PACSIN2: variants seen among roughly 807,000 people sequenced by gnomAD.
The protein encoded by PACSIN2 is protein kinase C and casein kinase substrate in neurons 2.
A neutral mutation model predicts 63.8 loss-of-function variants in PACSIN2; 25 were observed. That is an observed-to-expected ratio of 0.39 (90% CI 0.29 to 0.55). The LOEUF (loss-of-function observed/expected upper bound fraction) is 0.55. PACSIN2 is among the 20% of genes least tolerant of loss of function. The pLI, the probability that PACSIN2 is intolerant of heterozygous loss-of-function variation, is 0.62. For missense variants in PACSIN2, 518 were observed against 646.9 expected (o/e 0.80, Z 2.16); for synonymous variants, 255 against 256.2 (o/e 1.00, Z 0.05).
At chr22:42,890,818 C>T (rs2146669555) in intron 4 of PACSIN2, 129 bp downstream of exon 4, 1 of 674,606 alleles carries the variant, frequency 1.5e-6, no homozygotes, top group Non-Finnish European at 2.6e-6. Context: ...GGAGTGGCTT[C>T]ATCTCTACCA....
intron 1 of PACSIN2, among the ~76,000 whole-genome samples, chr22:42,977,616 T>C (rs1481288353): frequency 6.6e-6 from 1 of 152,238 alleles, no homozygotes; most frequent in Non-Finnish European, 1.5e-5. Context: ...GGTTAGGCTC[T>C]GTGTCCTCAC....
At chr22:42,939,028 C>A (rs1933031937) in intron 1 of PACSIN2, among the ~76,000 whole-genome samples, 1 of 152,220 alleles carries the variant, frequency 6.6e-6, no homozygotes, top group Non-Finnish European at 1.5e-5. Flanking sequence ...CAGCTGACAA[C>A]CACCTGGGCT....
chr22:42,935,699 T>C (rs1932896510), intron 1 of PACSIN2, among the ~76,000 whole-genome samples: 1 of 151,770 alleles, frequency 6.6e-6, no homozygotes, highest in Non-Finnish European at 1.5e-5. Context: ...CAAGGGCAAC[T>C]TGAGAACAGG....
At chr22:43,008,969 G>GA (rs1032011535) in intron 1 of PACSIN2, among the ~76,000 whole-genome samples, 6 of 151,586 alleles carry the variant, frequency 4.0e-5, no homozygotes, top group African/African-American at 1.5e-4. Context: ...AATGTGGCAA[G>GA]AAAAAATAAC....
rs964228662 is a variant in PACSIN2, at chr22:42,907,487, G to A, written c.60+4534C>T. 2.6e-4 allele frequency among the ~76,000 whole-genome samples: 39 copies of A among 152,248 alleles called. 1 individual carries two copies. Among genetic ancestry groups the A allele is most frequent in the Admixed American group, 2.3e-3 (35 of 15,290 alleles). Reference sequence around the variant, plus strand: ...CCTTCTAGGAGCCATATGTGAGCACGGTGGGGTGATAATTAAGCTGATGCG... The same window carrying A: ...CCTTCTAGGAGCCATATGTGAGCACAGTGGGGTGATAATTAAGCTGATGCG... On this transcript the variant is annotated intron_variant, in intron 2 of 10. Transcript: ENST00000263246.
chr22:42,931,967 A>C (rs1223981284), intron 1 of PACSIN2, among the ~76,000 whole-genome samples: 1 of 152,144 alleles, frequency 6.6e-6, no homozygotes, highest in Non-Finnish European at 1.5e-5. Context: ...ACCTATCCTC[A>C]CTTCCAGTTT....
At chr22:42,969,904 T>TAA (rs796766361) in intron 1 of PACSIN2, among the ~76,000 whole-genome samples, 1 of 118,016 alleles carries the variant, frequency 8.5e-6, no homozygotes, top group South Asian at 2.8e-4. Context: ...TGCTGGCCCT[T>TAA]AAAAAAAAAA....
intron 1 of PACSIN2, among the ~76,000 whole-genome samples, 186 bp downstream of exon 1, chr22:43,014,835 C>T (rs1167538548): frequency 6.6e-6 from 1 of 151,044 alleles, no homozygotes; most frequent in Non-Finnish European, 1.5e-5. Context: ...CCCCCCGGGG[C>T]CCCGAGCACT....
intron 4 of PACSIN2, among the ~76,000 whole-genome samples, chr22:42,890,333 G>A (rs1341289194): frequency 6.6e-6 from 1 of 152,202 alleles, no homozygotes; most frequent in Admixed American, 6.5e-5. Flanking sequence ...CACTTCCCCA[G>A]GGTTGGGAGA....
intron 1 of PACSIN2, among the ~76,000 whole-genome samples, chr22:42,929,513 G>A (rs892965056): frequency 5.3e-5 from 8 of 152,288 alleles, no homozygotes; most frequent in East Asian, 3.9e-4. Context: ...GCGTGCCTAC[G>A]AATGGCTTGA....
At chr22:42,908,369 CTGAA>C (rs34799087) in intron 2 of PACSIN2, among the ~76,000 whole-genome samples, 64,989 of 151,794 alleles carry the variant, frequency 0.43, 14,466 homozygotes, top group Non-Finnish European at 0.49. Context: ...CCAGAGCCTA[CTGAA>C]TGAAGGTAAG....
intron 1 of PACSIN2, among the ~76,000 whole-genome samples, chr22:42,964,158 C>G (rs1407042597): frequency 6.6e-6 from 1 of 152,230 alleles, no homozygotes; most frequent in Non-Finnish European, 1.5e-5. Context: ...TGGCCCATGC[C>G]TGTAATCCCA....
rs1388077695 is a variant in PACSIN2, at chr22:42,943,287, T to C, written c.-77-31130A>G. Among the ~76,000 whole-genome samples, 3 of 152,248 alleles carry C rather than the reference T, an allele frequency of 2.0e-5. 1 individual carries two copies. Among genetic ancestry groups the C allele is most frequent in the African/African-American group, 7.2e-5 (3 of 41,470 alleles). ...TGTATATTAATTCTAAGAGTTTTTTTGGTGATTCCTTATGATTTTCTTTAT... is the reference window on the plus strand; with the variant it reads ...TGTATATTAATTCTAAGAGTTTTTTCGGTGATTCCTTATGATTTTCTTTAT... On this transcript the variant is annotated intron_variant, in intron 1 of 10. Transcript: ENST00000263246.
intron 1 of PACSIN2, among the ~76,000 whole-genome samples, chr22:42,957,619 T>C (rs1933967671): frequency 6.6e-6 from 1 of 152,214 alleles, no homozygotes; most frequent in African/African-American, 2.4e-5. Context: ...TTAAATCGTT[T>C]TCTCCTTTAT....
chr22:42,952,663 A>ATT lies in PACSIN2; in HGVS notation c.-77-40508_-77-40507dup, dbSNP rs200065690. Among the ~76,000 whole-genome samples the ATT allele has an allele frequency of 9.9e-4, 129 of 130,266 alleles. 1 individual carries two copies. Among genetic ancestry groups the ATT allele is most frequent in the African/African-American group, 4.2e-3 (123 of 29,180 alleles). The allele number at this position is 130,266 out of a possible 152,430, so 85.5% of individuals were successfully genotyped here. ...TTGAGCCACCACACCCGGCCTATTT[A>ATT]TTTATTTTTTTTTTTTTGAGATGGA... On this transcript the variant is annotated intron_variant, in intron 1 of 10. Coordinates refer to ENST00000263246, the MANE Select transcript of PACSIN2 (RefSeq NM_001184970.3).
intron 1 of PACSIN2, among the ~76,000 whole-genome samples, chr22:42,961,447 T>TTAA (rs35059429): frequency 8.2e-6 from 1 of 121,216 alleles, no homozygotes; most frequent in Non-Finnish European, 1.7e-5. Flanking sequence ...AATGATCAAT[T>TTAA]AAAAAAAAAA....
In PACSIN2 at chr22:42,884,265, CG is replaced by C. The variant is rs1278069682; in HGVS notation, c.785+120del. ...ACAAAGAAGCAGGAGGCCCTGAGGG[CG>C]GTGAGGAGACCTCCTGATGAACGCG... is the stretch of plus-strand genomic sequence containing the variant. On this transcript the variant is annotated intron_variant, in intron 6 of 10. Coordinates refer to ENST00000263246, the MANE Select transcript of PACSIN2 (RefSeq NM_001184970.3). 4.8e-6 allele frequency: 4 copies of C among 827,662 alleles called. No homozygotes were observed. The Admixed American group carries it at 9.2e-5, about 19-fold the overall frequency. The allele number at this position is 827,662 out of a possible 1,614,324, so 51.3% of individuals were successfully genotyped here. A position where few individuals can be genotyped will look rare whatever the true frequency, so the allele number is the denominator to read the frequency against.
chr22:43,010,279 C>T (rs1172338509), intron 1 of PACSIN2, among the ~76,000 whole-genome samples: 1 of 151,198 alleles, frequency 6.6e-6, no homozygotes, highest in Admixed American at 6.6e-5. Flanking sequence ...TAGCTCACAC[C>T]TGTAATCCTA....
At position 42,872,555 on chromosome 22, in the gene PACSIN2, A is replaced by G. The variant is rs746083672; in HGVS notation, c.1349-1086T>C. 2.2e-4 allele frequency among the ~76,000 whole-genome samples: 33 copies of G among 152,232 alleles called. 1 individual carries two copies. The highest frequency in any genetic ancestry group is 5.2e-4 in the Admixed American group (8 of 15,282). The stretch of plus-strand genomic sequence containing the variant: ...GATGCTTTGGATTTTGTATGGCAGC[A>G]ATGCTGGTCAACATGCCTGCGGAGC... On this transcript the variant is annotated intron_variant, in intron 10 of 10. Coordinates refer to ENST00000263246, the MANE Select transcript of PACSIN2 (RefSeq NM_001184970.3).
Sources: gnomAD v4.1 joint callset for allele counts (sites outside exome capture counted in the v4.1 genomes callset) on GRCh38, gnomAD v4.1.1 for gene constraint, MANE v1.5 for transcripts, NCBI Gene and HGNC (gene_info 2026-07-23, HGNC 2026-07-21) for gene names.